CRACD: variants seen among roughly 807,000 people sequenced by gnomAD.
CRACD encodes capping protein inhibiting regulator of actin dynamics.
CRACD carries 56 observed loss-of-function variants against 106.8 expected under a neutral mutation model. The ratio of observed to expected loss-of-function variants is 0.52; its 90% CI spans 0.42 to 0.66. The LOEUF is 0.66. Among genes scored for constraint, CRACD ranks in the 30% least tolerant of loss-of-function variants. The pLI, the probability that CRACD is intolerant of heterozygous loss-of-function variation, is 0.00. For synonymous variants in CRACD, 754 were observed against 670.8 expected (o/e 1.12, Z -1.92); for missense variants, 1,730 against 1,623.2 (o/e 1.07, Z -1.13).
intron 5 of CRACD, among the ~76,000 whole-genome samples, chr4:56,310,413 G>A (rs879823203): frequency 4.6e-5 from 7 of 152,206 alleles, no homozygotes; most frequent in Admixed American, 2.0e-4. Flanking sequence ...ACAAATGACC[G>A]AGACTGGGGA....
intron 1 of CRACD, among the ~76,000 whole-genome samples, chr4:56,158,928 T>G (rs545598248): frequency 6.6e-6 from 1 of 152,368 alleles, no homozygotes; most frequent in East Asian, 1.9e-4. Context: ...TTCTCCTTTT[T>G]CACTTTCCCA....
intron 1 of CRACD, among the ~76,000 whole-genome samples, chr4:56,061,540 C>T (rs145408948): frequency 2.1e-4 from 32 of 151,930 alleles, no homozygotes; most frequent in African/African-American, 7.5e-4. Context: ...AAACAGATGA[C>T]AGTAATTTCC....
intron 1 of CRACD, among the ~76,000 whole-genome samples, chr4:56,116,571 C>T (rs1349631466): frequency 6.6e-6 from 1 of 152,122 alleles, no homozygotes; most frequent in Admixed American, 6.5e-5. Flanking sequence ...CAATTTCAAC[C>T]CTCATCAAGT....
intron 1 of CRACD, among the ~76,000 whole-genome samples, chr4:56,128,964 A>T (rs1734740641): frequency 6.6e-6 from 1 of 152,208 alleles, no homozygotes; most frequent in Admixed American, 6.5e-5. Context: ...AGCCAAGAAG[A>T]TATATAAACA....
chr4:56,192,604 C>A (rs1415090113), intron 2 of CRACD, among the ~76,000 whole-genome samples: 1 of 151,694 alleles, frequency 6.6e-6, no homozygotes, highest in Non-Finnish European at 1.5e-5. Context: ...AGAACTCAGA[C>A]CAAGAGATAG....
At chr4:56,168,665 A>C (rs1340241399) in intron 1 of CRACD, among the ~76,000 whole-genome samples, 4 of 149,098 alleles carry the variant, frequency 2.7e-5, no homozygotes, top group African/African-American at 9.8e-5. Flanking sequence ...ATATTCAACT[A>C]TATATATAAT....
Position 56,315,525 on chromosome 4 carries a change from A to C in CRACD, c.2023A>C (p.Ile675Leu). The C allele has an allele frequency of 6.2e-7, 1 of 1,614,022 alleles. No individual in the cohort carries two copies. The highest frequency in any genetic ancestry group is 1.1e-5 in the South Asian group (1 of 91,088). ...AGAATGGGCTTCCATTCGGTCCAGA[A>C]TCCTGAAGAACGCAGAGAGTGACCC... ...LAEWASIRSR[I>L]LKNAESDPRS... Residue 675 changes from isoleucine to leucine, a missense_variant, in exon 8 of 11, where the codon ATC becomes CTC. Transcript: ENST00000682029. The surrounding 1 kb of genome is among the most constrained non-coding windows in gnomAD (Gnocchi z 4.1).
rs530946218 is a variant in CRACD, at chr4:56,236,463, T to G, written c.-188-35858T>G. Among the ~76,000 whole-genome samples, 3 of 152,290 alleles carry G rather than the reference T, an allele frequency of 2.0e-5. No homozygotes were observed. In the East Asian group the frequency reaches 5.8e-4, roughly 29 times the overall value. Reference sequence around the variant, plus strand: ...AACACAGTGGCTAAGGAAACTAATTTCAATCAGAGACAATATTCAAAATTC... The same window carrying G: ...AACACAGTGGCTAAGGAAACTAATTGCAATCAGAGACAATATTCAAAATTC... On this transcript the variant is annotated intron_variant, in intron 2 of 10. Transcript: ENST00000682029.
At chr4:56,058,660 T>C (rs911008491) in intron 1 of CRACD, among the ~76,000 whole-genome samples, 1 of 152,240 alleles carries the variant, frequency 6.6e-6, no homozygotes, top group African/African-American at 2.4e-5. Context: ...GAGAACTTCA[T>C]GATCAAAATT....
chr4:56,325,581 T>A (rs1746390659), intron 10 of CRACD, among the ~76,000 whole-genome samples: 1 of 152,238 alleles, frequency 6.6e-6, no homozygotes, highest in South Asian at 2.1e-4. Flanking sequence ...AACAGCAGTT[T>A]TTATATGTTC....
At chr4:56,079,186 G>A (rs898602080) in intron 1 of CRACD, among the ~76,000 whole-genome samples, 7 of 152,114 alleles carry the variant, frequency 4.6e-5, no homozygotes, top group South Asian at 2.1e-4. Context: ...AGGCTTGGAC[G>A]TTTTCCCAAA....
At chr4:56,088,387 A>C (rs1733303982) in intron 1 of CRACD, among the ~76,000 whole-genome samples, 1 of 152,050 alleles carries the variant, frequency 6.6e-6, no homozygotes, top group African/African-American at 2.4e-5. Flanking sequence ...CCCAGGCTGG[A>C]GTGCAGTGAC....
At chr4:56,287,247 C>T (rs773158663) in intron 3 of CRACD, among the ~76,000 whole-genome samples, 116 of 152,034 alleles carry the variant, frequency 7.6e-4, no homozygotes, top group Non-Finnish European at 9.6e-4. Flanking sequence ...GCTTCAGCCT[C>T]CTGAGTAGCA....
At chr4:56,207,638 T>C (rs891450414) in intron 2 of CRACD, among the ~76,000 whole-genome samples, 1 of 151,414 alleles carries the variant, frequency 6.6e-6, no homozygotes, top group African/African-American at 2.4e-5. Flanking sequence ...ACGAGACCCC[T>C]TTTTCAGGTC....
chr4:56,152,562 C>T (rs1735619071), intron 1 of CRACD, among the ~76,000 whole-genome samples: 1 of 151,894 alleles, frequency 6.6e-6, no homozygotes. Flanking sequence ...ATCTCTCTTT[C>T]TCTCTTTTTT....
intron 3 of CRACD, among the ~76,000 whole-genome samples, chr4:56,284,737 C>CA (rs71192086): frequency 0.63 from 94,956 of 151,008 alleles, 30,714 homozygotes; most frequent in Middle Eastern, 0.82. Flanking sequence ...AAACAAAAAA[C>CA]AAAAAAAAAG....
chr4:56,244,637 G>A (rs945232127), intron 2 of CRACD, among the ~76,000 whole-genome samples: 4 of 152,138 alleles, frequency 2.6e-5, no homozygotes, highest in Admixed American at 6.5e-5. Flanking sequence ...TCCCACGTGC[G>A]TCCCATTTCC....
chr4:56,286,846 C>T (rs938432995), intron 3 of CRACD, among the ~76,000 whole-genome samples: 12 of 152,096 alleles, frequency 7.9e-5, no homozygotes, highest in Non-Finnish European at 1.6e-4. Flanking sequence ...AAGTCTGCAA[C>T]GGCTTCAACA....
intron 1 of CRACD, among the ~76,000 whole-genome samples, chr4:56,135,783 A>G (rs1057469307): frequency 6.6e-6 from 1 of 152,200 alleles, no homozygotes; most frequent in Non-Finnish European, 1.5e-5. Flanking sequence ...AAAAAGTGCA[A>G]TTTAATGAGA....
Sources: allele counts gnomAD v4.1 joint callset (sites outside exome capture counted in the v4.1 genomes callset), GRCh38; gene constraint gnomAD v4.1.1; non-coding constraint Gnocchi (gnomAD v3.1); transcripts MANE v1.5; gene names NCBI Gene and HGNC (gene_info 2026-07-23, HGNC 2026-07-21).